GAS7: variants seen among roughly 807,000 people sequenced by gnomAD.
GAS7 encodes growth arrest specific 7.
In GAS7, 28 loss-of-function variants were observed where a neutral mutation model predicts 71.1. The observed-to-expected ratio is 0.39, with a 90% CI of 0.29 to 0.54. The LOEUF (loss-of-function observed/expected upper bound fraction) is 0.54, where lower values mean the gene tolerates loss of function less well. Ranked by LOEUF, GAS7 falls within the 20% of genes least tolerant of loss-of-function variation. GAS7 has a pLI of 0.62. For synonymous variants in GAS7, 258 were observed against 245.8 expected, an observed-to-expected ratio of 1.05 and a Z score of -0.46; for missense variants, 436 against 627.8, an observed-to-expected ratio of 0.69 and a Z score of 3.27.
chr17:10,019,848 A>G lies in GAS7; in HGVS notation c.233T>C (p.Ile78Thr). 6.2e-7 allele frequency: 1 copy of G among 1,613,822 alleles called. No individual in the cohort carries two copies. Among genetic ancestry groups the G allele is most frequent in the Non-Finnish European group, 8.5e-7 (1 of 1,179,712 alleles). Residue 78 changes from isoleucine to threonine, a missense_variant, in exon 2 of 14, where the codon ATC becomes ACC. By Grantham distance (89) the Ile-to-Thr change is moderately conservative. Transcript: ENST00000432992. The stretch of plus-strand genomic sequence containing the variant: ...GTAGCTCTGCCAGCCAGGTGGAAGG[A>G]TGACCGTCTGGCTTTCTTCTCCCGG... ...PPPGEESQTV[I>T]LPPGWQSYLS... is the part of the protein sequence containing the mutation.
intron 1 of GAS7, among the ~76,000 whole-genome samples, chr17:10,129,135 G>A (rs1489371382): frequency 6.6e-6 from 1 of 152,176 alleles, no homozygotes. Flanking sequence ...ACAAACTGCT[G>A]CGATGAGAGA....
rs996900836 is a variant in GAS7 at position 9,914,983 on chromosome 17, T to C, written c.*2245A>G. ...CGGGCTTCCCTGACGACAGGGCCATTATAGTGTCCTCAGATTAGATCTTAG... is the reference window on the plus strand; with the variant it reads ...CGGGCTTCCCTGACGACAGGGCCATCATAGTGTCCTCAGATTAGATCTTAG... On this transcript the variant is annotated 3_prime_UTR_variant, in exon 14 of 14. Coordinates refer to ENST00000432992, the MANE Select transcript of GAS7 (RefSeq NM_201433.2). The C allele has an allele frequency of 4.3e-6, 1 of 232,354 alleles. No individual in the cohort carries two copies. Among genetic ancestry groups the C allele is most frequent in the African/African-American group, 2.2e-5 (1 of 45,288 alleles). 14.4% of individuals were successfully genotyped at this position (232,354 alleles called of 1,614,324 possible).
intron 1 of GAS7, among the ~76,000 whole-genome samples, chr17:10,096,590 G>A (rs187639620): frequency 6.6e-6 from 1 of 151,186 alleles, no homozygotes; most frequent in East Asian, 1.9e-4. Flanking sequence ...GGTATGGACA[G>A]CACTACCCAC....
Position 10,026,091 on chromosome 17 carries a change from A to ACCTCCACCTCCGGGACTCTCTCCC in GAS7, c.184-6218_184-6195dup, listed in dbSNP as rs1273171380. The ACCTCCACCTCCGGGACTCTCTCCC allele has an allele frequency of 1.8e-4, 152 of 861,430 alleles. No individual in the cohort carries two copies. In the African/African-American group the frequency reaches 2.6e-3, roughly 15 times the overall value. The allele number at this position is 861,430 out of a possible 1,614,324, so 53.4% of individuals were successfully genotyped here. On this transcript the variant is annotated intron_variant, in intron 1 of 13. Transcript: ENST00000432992. This position sits in a 1 kb window ranked among gnomAD's most constrained non-coding sequence, Gnocchi z 4.5. ...CAAGCTCAAGTTCAACCCGGATGCC[A>ACCTCCACCTCCGGGACTCTCTCCC]CCTCCACCTCCGGGACTCTCTCCCC...
At chr17:10,150,965 C>T (rs2074161601) in intron 1 of GAS7, among the ~76,000 whole-genome samples, 2 of 152,114 alleles carry the variant, frequency 1.3e-5, no homozygotes. Flanking sequence ...ACTTCTGTGC[C>T]TCAGTTTCCC....
chr17:10,083,869 A>C (rs2073485412), intron 1 of GAS7, among the ~76,000 whole-genome samples: 1 of 152,258 alleles, frequency 6.6e-6, no homozygotes, highest in Non-Finnish European at 1.5e-5. Flanking sequence ...GTAGGTATAC[A>C]TAAAATAGGT....
chr17:10,058,754 G>A (rs1413797498), intron 1 of GAS7, among the ~76,000 whole-genome samples: 2 of 152,212 alleles, frequency 1.3e-5, no homozygotes, highest in African/African-American at 2.4e-5. Context: ...CACACTGGCC[G>A]TAACATTGAC....
chr17:9,923,440 C>A lies in GAS7; in HGVS notation c.1138+2036G>T, dbSNP rs970729852. On this transcript the variant is annotated intron_variant, in intron 11 of 13. Coordinates refer to ENST00000432992, the MANE Select transcript of GAS7 (RefSeq NM_201433.2). Reference sequence around the variant, plus strand: ...AATGACAATCTAGGAAAAATATCTGCAATTAAAATGAAAAACGATTCATCT... The same window carrying A: ...AATGACAATCTAGGAAAAATATCTGAAATTAAAATGAAAAACGATTCATCT... 2.6e-5 allele frequency among the ~76,000 whole-genome samples: 4 copies of A among 151,600 alleles called. No homozygotes were observed. In the East Asian group the frequency reaches 7.7e-4, roughly 29 times the overall value.
intron 1 of GAS7, among the ~76,000 whole-genome samples, chr17:10,167,509 G>T (rs12936049): frequency 0.099 from 15,009 of 152,178 alleles, 852 homozygotes; most frequent in Non-Finnish European, 0.12. Context: ...TGAGCCTGGG[G>T]TGAGATGGTG....
At chr17:10,108,085 A>G (rs1239851909) in intron 1 of GAS7, among the ~76,000 whole-genome samples, 1 of 151,904 alleles carries the variant, frequency 6.6e-6, no homozygotes, top group Non-Finnish European at 1.5e-5. Context: ...TCTGGGCAAG[A>G]GAATCACTGT....
rs535243952 is a variant in GAS7 at position 9,914,258 on chromosome 17, GCT to G, written c.*2968_*2969del. The G allele has an allele frequency of 5.6e-4, 110 of 197,128 alleles. No individual in the cohort carries two copies. Among genetic ancestry groups the G allele is most frequent in the African/African-American group, 2.4e-3 (106 of 43,366 alleles). The allele number at this position is 197,128 out of a possible 1,614,324, so 12.2% of individuals were successfully genotyped here. A position where few individuals can be genotyped will look rare whatever the true frequency, so the allele number is the denominator to read the frequency against. ...TATAATTTTTTTGAGATGGAGTCTT[GCT>G]CTGTCACCCAAGCTGGAGTGCAGTG... On this transcript the variant is annotated 3_prime_UTR_variant, in exon 14 of 14. Coordinates refer to ENST00000432992, the MANE Select transcript of GAS7 (RefSeq NM_201433.2).
chr17:10,163,171 C>T (rs1212231459), intron 1 of GAS7, among the ~76,000 whole-genome samples: 3 of 152,152 alleles, frequency 2.0e-5, no homozygotes, highest in Admixed American at 2.0e-4. Flanking sequence ...ACTGCAGTCG[C>T]GTGATCTCGG....
At chr17:10,074,259 C>G (rs1482205704) in intron 1 of GAS7, among the ~76,000 whole-genome samples, 1 of 152,176 alleles carries the variant, frequency 6.6e-6, no homozygotes, top group Non-Finnish European at 1.5e-5. Context: ...ATCTTGCTTT[C>G]TGCTGGATTG....
At chr17:10,102,285 C>T (rs116771511) in intron 1 of GAS7, among the ~76,000 whole-genome samples, 106 of 148,626 alleles carry the variant, frequency 7.1e-4, no homozygotes, top group African/African-American at 2.4e-3. Flanking sequence ...CAGAGGGGAG[C>T]ACAAGGTGAC....
At chr17:10,018,636 C>A (rs917838120) in intron 2 of GAS7, among the ~76,000 whole-genome samples, 11 of 152,186 alleles carry the variant, frequency 7.2e-5, no homozygotes, top group Non-Finnish European at 1.5e-4. Flanking sequence ...CCCTCTTGAG[C>A]CTGTGGAAGG....
chr17:9,968,995 T>C (rs1216271579), intron 4 of GAS7, among the ~76,000 whole-genome samples: 1 of 152,182 alleles, frequency 6.6e-6, no homozygotes, highest in East Asian at 1.9e-4. Flanking sequence ...CTCAGTTTTT[T>C]AGGCACAGCT....
At chr17:10,029,934 A>ATGG (rs2072570772) in intron 1 of GAS7, among the ~76,000 whole-genome samples, 3 of 152,110 alleles carry the variant, frequency 2.0e-5, no homozygotes, top group African/African-American at 4.8e-5. Flanking sequence ...AGATCATGAG[A>ATGG]ACACCGAGGG....
intron 1 of GAS7, among the ~76,000 whole-genome samples, chr17:10,046,145 T>C (rs2072951464): frequency 6.6e-6 from 1 of 152,056 alleles, no homozygotes; most frequent in African/African-American, 2.4e-5. Context: ...TTTTTTTTAA[T>C]CCAGAAAACT....
chr17:9,975,538 C>A (rs550642955), intron 3 of GAS7, among the ~76,000 whole-genome samples: 3 of 151,330 alleles, frequency 2.0e-5, no homozygotes, highest in Admixed American at 6.6e-5. Context: ...CTCACCCCCC[C>A]CTTTTTCCTT....
Sources: gnomAD v4.1 joint callset for allele counts (sites outside exome capture counted in the v4.1 genomes callset) on GRCh38, gnomAD v4.1.1 for gene constraint, Gnocchi (gnomAD v3.1) non-coding constraint, MANE v1.5 for transcripts, NCBI Gene and HGNC (gene_info 2026-07-23, HGNC 2026-07-21) for gene names.